LRRC7: variants seen among roughly 807,000 people sequenced by gnomAD.
The protein encoded by LRRC7 is leucine-rich repeat-containing protein 7.
A neutral mutation model predicts 175.7 loss-of-function variants in LRRC7; 23 were observed. That is an observed-to-expected ratio of 0.13 (90% confidence interval 0.09 to 0.19). The LOEUF (loss-of-function observed/expected upper bound fraction) is 0.19. Among genes scored for constraint, LRRC7 ranks in the 10% least tolerant of loss-of-function variants. LRRC7 has a pLI of 1.00. For missense variants in LRRC7, 1,354 were observed against 1,904.7 expected (o/e 0.71, Z 5.38); for synonymous variants, 685 against 680.9 (o/e 1.01, Z -0.09).
chr1:69,911,495 G>T (rs1326014454), intron 7 of LRRC7, among the ~76,000 whole-genome samples: 2 of 152,112 alleles, frequency 1.3e-5, no homozygotes. Context: ...TAGCCATTCT[G>T]ACTGGTGTGA....
At chr1:69,617,934 C>T (rs1649937861) in intron 1 of LRRC7, among the ~76,000 whole-genome samples, 1 of 152,010 alleles carries the variant, frequency 6.6e-6, no homozygotes, top group Admixed American at 6.6e-5. Context: ...TGACAATAAA[C>T]AGCGTTGGGG....
chr1:70,034,928 A>G (rs1032219570), intron 18 of LRRC7, among the ~76,000 whole-genome samples: 16 of 152,186 alleles, frequency 1.1e-4, no homozygotes, highest in Admixed American at 1.0e-3. Context: ...ATAACCAAAG[A>G]CCTGAGCATG....
rs529285909 is a variant in LRRC7 at position 70,128,484 on chromosome 1, A to G, written c.*6597A>G. The stretch of plus-strand genomic sequence containing the variant: ...AGTATCTTTACATCCAGAGTAAAGT[A>G]TCTTAGTACAGGGAACTTTATTTTC... On this transcript the variant is annotated 3_prime_UTR_variant, in exon 27 of 27. Transcript: ENST00000651989. 1 of 152,324 alleles carries G rather than the reference A, an allele frequency of 6.6e-6. No individual in the cohort carries two copies. The highest frequency in any genetic ancestry group is 2.1e-4 in the South Asian group (1 of 4,826). 9.4% of individuals were successfully genotyped at this position (152,324 alleles called of 1,614,324 possible).
chr1:70,059,517 G>GTGTGTGTGTGTGTGT (rs1558034955), intron 23 of LRRC7, among the ~76,000 whole-genome samples: 2 of 140,366 alleles, frequency 1.4e-5, no homozygotes, highest in African/African-American at 5.4e-5. Flanking sequence ...GTGTGTGTGT[G>GTGTGTGTGTGTGTGT]GTCATTTTCA....
intron 4 of LRRC7, among the ~76,000 whole-genome samples, chr1:69,794,212 C>G (rs191269914): frequency 6.6e-6 from 1 of 152,228 alleles, no homozygotes; most frequent in Admixed American, 6.5e-5. Flanking sequence ...CTTTCTACAC[C>G]AACTTGACTT....
chr1:69,678,573 C>A, intron 2 of LRRC7, 95 bp downstream of exon 2: 2 of 810,722 alleles, frequency 2.5e-6, no homozygotes, highest in East Asian at 2.7e-5. Context: ...GTTAGTCAAG[C>A]AATAGAATAT....
intron 2 of LRRC7, among the ~76,000 whole-genome samples, chr1:69,687,186 T>C (rs1415629359): frequency 2.0e-5 from 3 of 152,042 alleles, no homozygotes; most frequent in African/African-American, 7.2e-5. Context: ...GTTAGCATAG[T>C]TGTGGTTGTG....
intron 1 of LRRC7, among the ~76,000 whole-genome samples, chr1:69,592,139 C>T (rs1646661187): frequency 6.6e-6 from 1 of 151,952 alleles, no homozygotes; most frequent in Non-Finnish European, 1.5e-5. Context: ...TTAGTCCTAA[C>T]TCTCTCGTTT....
chr1:69,954,018 G>A (rs1650230968), intron 8 of LRRC7, among the ~76,000 whole-genome samples: 1 of 152,046 alleles, frequency 6.6e-6, no homozygotes, highest in African/African-American at 2.4e-5. Flanking sequence ...GGAAGGACAT[G>A]TGTTTCTACC....
intron 8 of LRRC7, among the ~76,000 whole-genome samples, chr1:69,959,151 A>G (rs1321818100): frequency 6.6e-6 from 1 of 152,104 alleles, no homozygotes; most frequent in Non-Finnish European, 1.5e-5. Flanking sequence ...TTTAAAGTTA[A>G]AGCAGTCAGC....
At chr1:70,037,165 G>A (rs1388329624) in intron 20 of LRRC7, among the ~76,000 whole-genome samples, 1 of 152,144 alleles carries the variant, frequency 6.6e-6, no homozygotes, top group Non-Finnish European at 1.5e-5. Flanking sequence ...ACAATAAAGT[G>A]ACTCAATAAG....
chr1:69,961,353 A>C (rs1020544582), intron 8 of LRRC7, among the ~76,000 whole-genome samples: 10 of 152,198 alleles, frequency 6.6e-5, no homozygotes, highest in Non-Finnish European at 1.3e-4. Flanking sequence ...AAATGGAAAA[A>C]CATTCCATGC....
chr1:69,797,445 C>A lies in LRRC7; in HGVS notation c.421+5285C>A, dbSNP rs759170205. Among the ~76,000 whole-genome samples, 12 of 152,278 alleles carry A rather than the reference C, an allele frequency of 7.9e-5. No homozygotes were observed. The East Asian group carries it at 1.9e-3, about 25-fold the overall frequency. ...AACCCAAATTCATCATTCTCTCCAA[C>A]CTGCTTTTTTCCTCCATTGTCCAGT... On this transcript the variant is annotated intron_variant, in intron 4 of 26. Coordinates refer to ENST00000651989, the MANE Select transcript of LRRC7 (RefSeq NM_001370785.2).
intron 8 of LRRC7, among the ~76,000 whole-genome samples, chr1:69,950,370 A>C (rs1488738522): frequency 6.6e-6 from 1 of 152,138 alleles, no homozygotes; most frequent in Non-Finnish European, 1.5e-5. Flanking sequence ...AGGAGTGATG[A>C]CAGAAGACAA....
Position 70,016,504 on chromosome 1 carries a change from G to T in LRRC7, c.1290G>T (p.Glu430Asp), listed in dbSNP as rs1224886827. ...CATTCTCATTTACCAAACTTAAAGA[G>T]CTTGCAGCTTTGTGGCTTTCTGACA... is the stretch of plus-strand genomic sequence containing the variant. ...NLPFSFTKLK[E>D]LAALWLSDNQ... is the part of the protein sequence containing the mutation. The change falls in exon 14 of 27, where the codon GAG becomes GAT. Residue 430 changes from glutamate (E) to aspartate (D), a missense_variant. Around this residue, in one of 4 missense-constraint regions of LRRC7, gnomAD observed 201 missense variants for 481.4 expected, o/e 0.42. Coordinates refer to ENST00000651989, the MANE Select transcript of LRRC7 (RefSeq NM_001370785.2). The T allele has an allele frequency of 6.3e-7, 1 of 1,583,784 alleles. No homozygotes were observed. The highest frequency in any genetic ancestry group is 1.4e-5 in the African/African-American group (1 of 73,490).
chr1:69,591,190 C>T (rs1310176094), intron 1 of LRRC7, among the ~76,000 whole-genome samples: 1 of 152,066 alleles, frequency 6.6e-6, no homozygotes, highest in African/African-American at 2.4e-5. Context: ...TGCTGTATCT[C>T]TTGAAACTTT....
intron 1 of LRRC7, among the ~76,000 whole-genome samples, chr1:69,623,646 G>T (rs569612265): frequency 6.6e-6 from 1 of 151,586 alleles, no homozygotes; most frequent in Non-Finnish European, 1.5e-5. Flanking sequence ...TGCCTCCTGG[G>T]TTCAAGCAAT....
chr1:69,690,168 G>C (rs1028233909), intron 2 of LRRC7, among the ~76,000 whole-genome samples: 2 of 152,142 alleles, frequency 1.3e-5, no homozygotes, highest in Non-Finnish European at 2.9e-5. Flanking sequence ...TGCTACATAG[G>C]ATATAATTTT....
At chr1:70,020,621 C>G (rs1292072874) in intron 15 of LRRC7, among the ~76,000 whole-genome samples, 1 of 151,996 alleles carries the variant, frequency 6.6e-6, no homozygotes, top group Non-Finnish European at 1.5e-5. Context: ...TCCCTTAAAA[C>G]TCATTAGTAA....
Sources: allele counts gnomAD v4.1 joint callset (sites outside exome capture counted in the v4.1 genomes callset), GRCh38; gene constraint gnomAD v4.1.1; regional missense constraint gnomAD v4.1.1; transcripts MANE v1.5; gene names NCBI Gene and HGNC (gene_info 2026-07-23, HGNC 2026-07-21).